NEMP2: variants seen among roughly 807,000 people sequenced by gnomAD.
NEMP2 encodes UPF0571 transmembrane protein.
A neutral mutation model predicts 54.2 loss-of-function variants in NEMP2; 53 were observed. That is an observed-to-expected ratio of 0.98 (90% CI 0.78 to 1.23). The LOEUF is 1.23. NEMP2 is among the 50% of genes most tolerant of loss of function. The pLI is 0.00. For missense variants in NEMP2, 455 were observed against 511.3 expected, an observed-to-expected ratio of 0.89 and a Z score of 1.06; for synonymous variants, 197 against 190.3, an observed-to-expected ratio of 1.04 and a Z score of -0.29.
the NEMP2 span, among the ~76,000 whole-genome samples, chr2:190,647,209 C>G: frequency 6.6e-6 from 1 of 152,146 alleles, no homozygotes; most frequent in African/African-American, 2.4e-5. Flanking sequence ...AATATCAACT[C>G]AACTACTCCA....
chr2:190,499,202 A>T, the NEMP2 span, among the ~76,000 whole-genome samples: 46 of 152,338 alleles, frequency 3.0e-4, no homozygotes, highest in Middle Eastern at 3.4e-3. This position sits in a 1 kb window ranked among gnomAD's most constrained non-coding sequence, Gnocchi z 6.0. Flanking sequence ...GTATGTTAGG[A>T]TTAATAAAAA....
Position 190,509,438 on chromosome 2 carries a change from T to C in NEMP2, c.1131-126A>G. 1 of 1,052,206 alleles carries C rather than the reference T, an allele frequency of 9.5e-7. No homozygotes were observed. 65.2% of individuals were successfully genotyped at this position (1,052,206 alleles called of 1,614,324 possible). The stretch of plus-strand genomic sequence containing the variant: ...GACTTTGCATCAATACAGGGTGGCA[T>C]TTACACAGTGGGTGTAAAAATGGGA... On this transcript the variant is annotated intron_variant, in intron 8 of 8. Transcript: ENST00000409150. This position sits in a 1 kb window ranked among gnomAD's most constrained non-coding sequence, Gnocchi z 6.1.
chr2:190,582,756 C>G, the NEMP2 span, among the ~76,000 whole-genome samples: 2 of 152,152 alleles, frequency 1.3e-5, no homozygotes, highest in African/African-American at 4.8e-5. This position sits in a 1 kb window ranked among gnomAD's most constrained non-coding sequence, Gnocchi z 4.6. Flanking sequence ...GTCTTTAAGA[C>G]TTTTGTCTAA....
the NEMP2 span, among the ~76,000 whole-genome samples, chr2:190,585,435 C>A: frequency 5.3e-3 from 803 of 152,258 alleles, 7 homozygotes; most frequent in Non-Finnish European, 8.6e-3. This position sits in a 1 kb window ranked among gnomAD's most constrained non-coding sequence, Gnocchi z 5.3. Flanking sequence ...AGAAACAGCA[C>A]CCACTCTGGG....
chr2:190,619,207 C>T, the NEMP2 span, among the ~76,000 whole-genome samples: 3 of 151,866 alleles, frequency 2.0e-5, no homozygotes, highest in Admixed American at 6.6e-5. The surrounding 1 kb of genome is among the most constrained non-coding windows in gnomAD (Gnocchi z 5.5). Context: ...AGTGAGATTT[C>T]GTGTCTACTA....
chr2:190,449,469 G>A, the NEMP2 span, among the ~76,000 whole-genome samples: 14 of 151,128 alleles, frequency 9.3e-5, no homozygotes, highest in African/African-American at 2.2e-4. Flanking sequence ...GCAAGACTTC[G>A]TCTCAAAAAA....
rs1376183832 is a variant in NEMP2, at chr2:190,514,423, A to C, written c.953+30T>G. The C allele has an allele frequency of 6.5e-7, 1 of 1,534,024 alleles. No individual in the cohort carries two copies. The highest frequency in any genetic ancestry group is 8.8e-7 in the Non-Finnish European group (1 of 1,132,730). On this transcript the variant is annotated intron_variant, in intron 7 of 8. Transcript: ENST00000409150. The surrounding 1 kb of genome is among the most constrained non-coding windows in gnomAD (Gnocchi z 5.7). ...AATAAAACTAGAGCTCAAAATGTCA[A>C]ATTTGCTGGGGGAAAAAAATGATAC...
At chr2:190,585,315 A>C in the NEMP2 span, among the ~76,000 whole-genome samples, 1 of 152,202 alleles carries the variant, frequency 6.6e-6, no homozygotes, top group African/African-American at 2.4e-5. This position sits in a 1 kb window ranked among gnomAD's most constrained non-coding sequence, Gnocchi z 5.3. Context: ...TTTATCTTTA[A>C]ACTACTTACA....
chr2:190,599,561 T>A, the NEMP2 span, among the ~76,000 whole-genome samples: 2 of 152,354 alleles, frequency 1.3e-5, no homozygotes, highest in East Asian at 3.9e-4. Flanking sequence ...TGCCAATGCA[T>A]TTAAAAATTT....
At chr2:190,590,667 A>T in the NEMP2 span, among the ~76,000 whole-genome samples, 2 of 152,182 alleles carry the variant, frequency 1.3e-5, no homozygotes, top group Non-Finnish European at 2.9e-5. This position sits in a 1 kb window ranked among gnomAD's most constrained non-coding sequence, Gnocchi z 5.1. Context: ...AGTTATATAG[A>T]CTTATTTTAA....
the NEMP2 span, among the ~76,000 whole-genome samples, chr2:190,603,326 G>T: frequency 6.6e-6 from 1 of 151,970 alleles, no homozygotes; most frequent in Non-Finnish European, 1.5e-5. Flanking sequence ...AAATTAAATG[G>T]AATTGACATT....
At chr2:190,609,226 T>G in the NEMP2 span, 4 of 152,174 alleles carry the variant, frequency 2.6e-5, no homozygotes, top group African/African-American at 9.7e-5. The surrounding 1 kb of genome is among the most constrained non-coding windows in gnomAD (Gnocchi z 4.7). Flanking sequence ...TATGTGTAAC[T>G]GAGTGAATTA....
the NEMP2 span, among the ~76,000 whole-genome samples, chr2:190,607,494 A>G: frequency 6.6e-6 from 1 of 152,186 alleles, no homozygotes; most frequent in African/African-American, 2.4e-5. The surrounding 1 kb of genome is among the most constrained non-coding windows in gnomAD (Gnocchi z 5.2). Flanking sequence ...TGATTCTAAT[A>G]CACAGCCAAG....
At position 190,509,308 on chromosome 2, in the gene NEMP2, C is replaced by A. The variant is rs1690275570; in HGVS notation, c.1135G>T (p.Ala379Ser). The A allele has an allele frequency of 1.9e-6, 3 of 1,551,414 alleles. No homozygotes were observed. The highest frequency in any genetic ancestry group is 2.6e-6 in the Non-Finnish European group (3 of 1,146,930). Reference sequence around the variant, plus strand: ...TGGCTTCCTCCAAGAACAAAGTCTGCAAATCTAACAAGTTTTTTGTTTTAA... The same window carrying A: ...TGGCTTCCTCCAAGAACAAAGTCTGAAAATCTAACAAGTTTTTTGTTTTAA... Reference protein sequence around the residue: ...VSRLHTPSKFADFVLGGSHLS... With the variant: ...VSRLHTPSKFSDFVLGGSHLS... Residue 379 changes from alanine (A) to serine (S), a missense_variant, in exon 9 of 9, where the codon GCA becomes TCA. Physicochemically the swap from Ala to Ser is moderately conservative, Grantham distance 99. Coordinates refer to ENST00000409150, the MANE Select transcript of NEMP2 (RefSeq NM_001142645.2). This position sits in a 1 kb window ranked among gnomAD's most constrained non-coding sequence, Gnocchi z 6.1.
At chr2:190,440,808 T>C in the NEMP2 span, among the ~76,000 whole-genome samples, 1 of 152,326 alleles carries the variant, frequency 6.6e-6, no homozygotes, top group South Asian at 2.1e-4. Flanking sequence ...TACTTAATAT[T>C]AGCAAAATAT....
the NEMP2 span, among the ~76,000 whole-genome samples, chr2:190,573,536 TC>T: frequency 6.6e-6 from 1 of 152,196 alleles, no homozygotes; most frequent in Admixed American, 6.5e-5. Flanking sequence ...CTGGAAATGT[TC>T]CAGATAGTAC....
the NEMP2 span, among the ~76,000 whole-genome samples, chr2:190,598,527 G>A: frequency 2.0e-5 from 3 of 152,096 alleles, no homozygotes; most frequent in Admixed American, 6.5e-5. Context: ...AACTTGTGGC[G>A]CTGCCAGCCT....
the NEMP2 span, among the ~76,000 whole-genome samples, chr2:190,490,858 T>C: frequency 1.5e-4 from 23 of 152,216 alleles, no homozygotes; most frequent in Non-Finnish European, 2.9e-4. This position sits in a 1 kb window ranked among gnomAD's most constrained non-coding sequence, Gnocchi z 4.5. Flanking sequence ...AAAAACTTGC[T>C]TGTTACAGAA....
chr2:190,477,535 A>G, the NEMP2 span, among the ~76,000 whole-genome samples: 1 of 152,228 alleles, frequency 6.6e-6, no homozygotes, highest in Non-Finnish European at 1.5e-5. Context: ...GAACAACAGA[A>G]TAATTTTATA....
Sources: gnomAD v4.1 joint callset for allele counts (sites outside exome capture counted in the v4.1 genomes callset) on GRCh38, gnomAD v4.1.1 for gene constraint, Gnocchi (gnomAD v3.1) non-coding constraint, MANE v1.5 for transcripts, NCBI Gene and HGNC (gene_info 2026-07-23, HGNC 2026-07-21) for gene names.